CDS1: variants seen among roughly 807,000 people sequenced by gnomAD.
CDS1 encodes the protein CDP-diacylglycerol synthase 1.
In CDS1, 41 loss-of-function variants were observed where a neutral mutation model predicts 62.1. The ratio of observed to expected loss-of-function variants is 0.66; its 90% CI spans 0.51 to 0.86. The LOEUF (loss-of-function observed/expected upper bound fraction) is 0.86, where lower values mean the gene tolerates loss of function less well. Ranked by LOEUF, CDS1 falls within the 40% of genes least tolerant of loss-of-function variation. The probability of loss-of-function intolerance (pLI) is 0.00; values close to 1 mark genes in which losing one functional copy is unlikely to be tolerated. For missense variants in CDS1, 470 were observed against 550.1 expected, an observed-to-expected ratio of 0.85 and a Z score of 1.46; for synonymous variants, 185 against 192.6, an observed-to-expected ratio of 0.96 and a Z score of 0.32.
intron 1 of CDS1, among the ~76,000 whole-genome samples, chr4:84,585,439 T>G (rs1301548759): frequency 5.3e-5 from 8 of 152,238 alleles, no homozygotes; most frequent in Non-Finnish European, 8.8e-5. Context: ...TCCCTGTCTG[T>G]CCTTTCTTAT....
rs73831541 is a variant in CDS1 at position 84,603,151 on chromosome 4, G to A, written c.118-1092G>A. Among the ~76,000 whole-genome samples the A allele has an allele frequency of 7.9e-3, 1,205 of 152,272 alleles. 16 individuals are homozygous for A. Among genetic ancestry groups the A allele is most frequent in the African/African-American group, 0.028 (1,149 of 41,544 alleles). On this transcript the variant is annotated intron_variant, in intron 1 of 12. Coordinates refer to ENST00000295887, the MANE Select transcript of CDS1 (RefSeq NM_001263.4). ...TAGGGATGAAGAAACAGTTCGAAGGGGTGATGACATTTGCCAATGTTTTGG... is the reference window on the plus strand; with the variant it reads ...TAGGGATGAAGAAACAGTTCGAAGGAGTGATGACATTTGCCAATGTTTTGG...
chr4:84,648,586 AGTT>A lies in CDS1; in HGVS notation c.1291_1293del (p.Leu431del). On this transcript the variant is annotated inframe_deletion, in exon 13 of 13. Transcript: ENST00000295887. The stretch of plus-strand genomic sequence containing the variant: ...CCAAATCCCAGCAAAGTGCTACAGC[AGTT>A]GTTGGTGCTTCAACCTGAACAGCAG... The A allele has an allele frequency of 1.2e-6, 2 of 1,613,916 alleles. No individual in the cohort carries two copies. Among genetic ancestry groups the A allele is most frequent in the Non-Finnish European group, 1.7e-6 (2 of 1,179,872 alleles).
chr4:84,628,337 G>C (rs1358475977), intron 5 of CDS1, among the ~76,000 whole-genome samples: 1 of 152,160 alleles, frequency 6.6e-6, no homozygotes, highest in African/African-American at 2.4e-5. Context: ...ACAAGAGCAA[G>C]AGCTCCTGAA....
chr4:84,623,250 C>T (rs908845249), intron 5 of CDS1, among the ~76,000 whole-genome samples: 3 of 152,216 alleles, frequency 2.0e-5, no homozygotes, highest in Non-Finnish European at 4.4e-5. Context: ...TTTGCTGAAG[C>T]ATGGCCTGCT....
At chr4:84,647,336 A>T (rs1480602571) in intron 12 of CDS1, among the ~76,000 whole-genome samples, 1 of 152,150 alleles carries the variant, frequency 6.6e-6, no homozygotes, top group African/African-American at 2.4e-5. Flanking sequence ...AGAATATGGC[A>T]GCTTTTTAGG....
In CDS1 at chr4:84,588,676, G is replaced by T. The variant is rs367985442; in HGVS notation, c.117+5158G>T. 5.3e-5 allele frequency among the ~76,000 whole-genome samples: 8 copies of T among 152,146 alleles called. No homozygotes were observed. The East Asian group carries it at 1.2e-3, about 22-fold the overall frequency. ...TGCTGAGTCCATTTCTGGATGGGGGGGCCACAGGAGTTGCTGGTTTGGGAG... is the reference window on the plus strand; with the variant it reads ...TGCTGAGTCCATTTCTGGATGGGGGTGCCACAGGAGTTGCTGGTTTGGGAG... On this transcript the variant is annotated intron_variant, in intron 1 of 12. Transcript: ENST00000295887.
chr4:84,604,177 A>G (rs1723020177), intron 1 of CDS1, 66 bp from the exon 2 acceptor site: 12 of 1,358,328 alleles, frequency 8.8e-6, no homozygotes, highest in Non-Finnish European at 1.0e-5. Context: ...CAATAAATGA[A>G]TGTATTGGCC....
intron 10 of CDS1, among the ~76,000 whole-genome samples, chr4:84,641,501 A>AATCAAATGG (rs1164238748): frequency 4.6e-5 from 7 of 152,242 alleles, no homozygotes; most frequent in Non-Finnish European, 8.8e-5. Context: ...ACGGGTTACA[A>AATCAAATGG]ATCAAATGGA....
chr4:84,614,139 C>T (rs561374004), intron 3 of CDS1, among the ~76,000 whole-genome samples: 5 of 152,038 alleles, frequency 3.3e-5, no homozygotes, highest in African/African-American at 4.8e-5. Flanking sequence ...TGGCCAGGTG[C>T]GGTGGCACAC....
At chr4:84,599,938 A>G (rs1722885664) in intron 1 of CDS1, among the ~76,000 whole-genome samples, 1 of 152,066 alleles carries the variant, frequency 6.6e-6, no homozygotes, top group Non-Finnish European at 1.5e-5. Context: ...TTGTATATGT[A>G]ATTTTTAAAA....
intron 11 of CDS1, among the ~76,000 whole-genome samples, chr4:84,644,581 A>G (rs1385987218): frequency 6.6e-6 from 1 of 152,160 alleles, no homozygotes; most frequent in Non-Finnish European, 1.5e-5. Context: ...TGAGTGAACT[A>G]GAAGAGCAGT....
At chr4:84,635,629 T>G (rs7684125) in intron 8 of CDS1, among the ~76,000 whole-genome samples, 1,439 of 41,924 alleles carry the variant, frequency 0.034, 27 homozygotes, top group African/African-American at 0.087. Flanking sequence ...CTGCCTGCCT[T>G]CCTTCCTTCC....
At chr4:84,583,639 C>T in intron 1 of CDS1, 121 bp downstream of exon 1, 1 of 585,608 alleles carries the variant, frequency 1.7e-6, no homozygotes, top group South Asian at 2.1e-5. Flanking sequence ...TGCCGGTGCA[C>T]CTTCCTCCCT....
At chr4:84,622,386 T>G (rs1723714893) in intron 5 of CDS1, among the ~76,000 whole-genome samples, 2 of 151,906 alleles carry the variant, frequency 1.3e-5, no homozygotes, top group Admixed American at 1.3e-4. Flanking sequence ...GTCAGGAGTT[T>G]GAGACCAGCC....
intron 5 of CDS1, 86 bp from the exon 6 acceptor site, chr4:84,631,733 C>A: frequency 9.7e-7 from 1 of 1,035,992 alleles, no homozygotes; most frequent in Non-Finnish European, 1.5e-6. Context: ...AGCTGTGATA[C>A]AGCAAATTGG....
chr4:84,611,586 C>G (rs1408253519), intron 3 of CDS1, among the ~76,000 whole-genome samples: 1 of 152,136 alleles, frequency 6.6e-6, no homozygotes, highest in Non-Finnish European at 1.5e-5. Flanking sequence ...CTTAAAGTGG[C>G]TTTTATAAGC....
Position 84,609,463 on chromosome 4 carries a change from C to CT in CDS1, c.281dup (p.Thr95AsnfsTer31). 1.2e-6 allele frequency: 2 copies of CT among 1,610,966 alleles called. No individual in the cohort carries two copies. The highest frequency in any genetic ancestry group is 1.7e-6 in the Non-Finnish European group (2 of 1,177,316). ...CTGGTGGATACGTGGAATTCTCACT[C>CT]TAACTATGATCTCGTTGTTTTTCCT... On this transcript the variant is annotated frameshift_variant, in exon 3 of 13. Coordinates refer to ENST00000295887, the MANE Select transcript of CDS1 (RefSeq NM_001263.4). LOFTEE classifies it high-confidence loss of function.
Position 84,647,117 on chromosome 4 carries a change from C to G in CDS1, c.1257-1440C>G, listed in dbSNP as rs183103301. 1.8e-3 allele frequency among the ~76,000 whole-genome samples: 278 copies of G among 152,138 alleles called. 1 individual carries two copies. The highest frequency in any genetic ancestry group is 3.4e-3 in the Middle Eastern group (1 of 294). On this transcript the variant is annotated intron_variant, in intron 12 of 12. Coordinates refer to ENST00000295887, the MANE Select transcript of CDS1 (RefSeq NM_001263.4). Reference sequence around the variant, plus strand: ...GTGTTTGCATGTTATTTCTTTGTCTCTCCTTTTATTTTTAACATTCCCTTT... The same window carrying G: ...GTGTTTGCATGTTATTTCTTTGTCTGTCCTTTTATTTTTAACATTCCCTTT...
chr4:84,635,654 CCTTCCTT>C (rs1724175766), intron 8 of CDS1, among the ~76,000 whole-genome samples: 2 of 121,014 alleles, frequency 1.7e-5, no homozygotes, highest in African/African-American at 6.8e-5. Context: ...TTCCTTCCTT[CCTTCCTT>C]CCTTCCTTCC....
Sources: gnomAD v4.1 joint callset for allele counts (sites outside exome capture counted in the v4.1 genomes callset) on GRCh38, gnomAD v4.1.1 for gene constraint, MANE v1.5 for transcripts, NCBI Gene and HGNC (gene_info 2026-07-23, HGNC 2026-07-21) for gene names.